The following KDM8 variants were observed in gnomAD, a reference collection of about 807,000 sequenced individuals.
The protein encoded by KDM8 is bifunctional peptidase and arginyl-hydroxylase JMJD5.
A neutral mutation model predicts 46.9 loss-of-function variants in KDM8; 35 were observed. The ratio of observed to expected loss-of-function variants is 0.75; its 90% confidence interval spans 0.57 to 0.99. The LOEUF is 0.99. KDM8 is among the 50% of genes least tolerant of loss of function. KDM8 has a pLI of 0.00. For missense variants in KDM8, 475 were observed against 537.0 expected (o/e 0.88, Z 1.14); for synonymous variants, 232 against 227.7 (o/e 1.02, Z -0.17).
At chr16:27,215,696 T>C (rs1227899933) in intron 4 of KDM8, among the ~76,000 whole-genome samples, 2 of 152,218 alleles carry the variant, frequency 1.3e-5, no homozygotes, top group Admixed American at 6.5e-5. Flanking sequence ...GCACTGTTTG[T>C]TGCCATTTTA....
At chr16:27,212,862 A>C (rs1055390741) in intron 2 of KDM8, among the ~76,000 whole-genome samples, 1 of 152,158 alleles carries the variant, frequency 6.6e-6, no homozygotes, top group African/African-American at 2.4e-5. Flanking sequence ...GAGCTTTTTA[A>C]ATTTTTTCTA....
At chr16:27,213,516 C>T (rs912126472) in intron 2 of KDM8, 69 bp from the exon 3 acceptor site, 1 of 1,543,324 alleles carries the variant, frequency 6.5e-7, no homozygotes, top group Non-Finnish European at 8.9e-7. Context: ...ACACAGGTTC[C>T]TGGTGGAATA....
intron 5 of KDM8, among the ~76,000 whole-genome samples, chr16:27,218,393 G>A (rs2083578391): frequency 6.6e-6 from 1 of 152,182 alleles, no homozygotes; most frequent in Admixed American, 6.5e-5. Flanking sequence ...CAGAGGCCAT[G>A]GGGAGCCGCG....
intron 2 of KDM8, 73 bp downstream of exon 2, chr16:27,210,694 C>G (rs2140966232): frequency 6.9e-7 from 1 of 1,442,018 alleles, no homozygotes; most frequent in South Asian, 1.5e-5. Context: ...TCCGAGTCAT[C>G]TCTCCCCTGG....
chr16:27,215,514 G>A (rs1567265309), intron 4 of KDM8, among the ~76,000 whole-genome samples: 1 of 152,168 alleles, frequency 6.6e-6, no homozygotes, highest in Non-Finnish European at 1.5e-5. Flanking sequence ...CCAGGAGGCA[G>A]AGGTTGCAGT....
In KDM8 at chr16:27,220,921, A is replaced by G; in HGVS notation, c.*191A>G. On this transcript the variant is annotated 3_prime_UTR_variant, in exon 8 of 8. Coordinates refer to ENST00000286096, the MANE Select transcript of KDM8 (RefSeq NM_024773.3). ...ACAGAGCAGGGGCTGCCCAGGAAGG[A>G]GCACACTCCAGGCCAGGGGTGCATG... The G allele has an allele frequency of 1.4e-6, 1 of 703,678 alleles. No homozygotes were observed. 43.6% of individuals were successfully genotyped at this position (703,678 alleles called of 1,614,324 possible).
intron 1 of KDM8, 170 bp downstream of exon 1, chr16:27,203,806 A>C (rs146455262): frequency 4.5e-4 from 172 of 385,626 alleles, no homozygotes; most frequent in Non-Finnish European, 5.7e-4. Flanking sequence ...GCGCTCTGAG[A>C]ATGCAATTTA....
intron 4 of KDM8, among the ~76,000 whole-genome samples, chr16:27,215,416 T>G (rs1043496151): frequency 1.3e-5 from 2 of 152,012 alleles, no homozygotes; most frequent in African/African-American, 4.8e-5. Flanking sequence ...CCTGTCTCTA[T>G]AAAAAATATA....
intron 1 of KDM8, 68 bp downstream of exon 1, chr16:27,203,704 G>C (rs530793740): frequency 9.7e-6 from 2 of 205,210 alleles, no homozygotes; most frequent in East Asian, 1.3e-4. Flanking sequence ...CGGGTTCAGA[G>C]GCATAGACCG....
intron 2 of KDM8, chr16:27,211,115 TTCTC>T (rs761343368): frequency 1.3e-5 from 6 of 451,986 alleles, no homozygotes; most frequent in Non-Finnish European, 2.6e-5. Context: ...TCCATTCATT[TTCTC>T]TCTTTTTTTT....
Position 27,216,002 on chromosome 16 carries a change from C to T in KDM8, c.843+13C>T, listed in dbSNP as rs766406876. The T allele has an allele frequency of 2.9e-5, 46 of 1,613,826 alleles. No homozygotes were observed. In the East Asian group the frequency reaches 9.6e-4, roughly 34 times the overall value. On this transcript the variant is annotated intron_variant, in intron 5 of 7. Transcript: ENST00000286096. Reference sequence around the variant, plus strand: ...GCTCTTTGACCAGGTAAGTCTGAGGCCACGCACCTCTGCCCCTCACCGTCT... The same window carrying T: ...GCTCTTTGACCAGGTAAGTCTGAGGTCACGCACCTCTGCCCCTCACCGTCT...
Position 27,220,982 on chromosome 16 carries a change from C to T in KDM8, c.*252C>T, listed in dbSNP as rs1386555018. The T allele has an allele frequency of 1.8e-6, 1 of 551,618 alleles. No individual in the cohort carries two copies. 34.2% of individuals were successfully genotyped at this position (551,618 alleles called of 1,614,324 possible). A position where few individuals can be genotyped will look rare whatever the true frequency, so the allele number is the denominator to read the frequency against. The stretch of plus-strand genomic sequence containing the variant: ...GTGGGGAGAGCCCAGAAGGACATTG[C>T]AGACAGACAGCCTGCATGGGGACTC... On this transcript the variant is annotated 3_prime_UTR_variant, in exon 8 of 8. Transcript: ENST00000286096.
chr16:27,212,822 G>A (rs2083500056), intron 2 of KDM8, among the ~76,000 whole-genome samples: 1 of 152,174 alleles, frequency 6.6e-6, no homozygotes, highest in Admixed American at 6.5e-5. Flanking sequence ...TTCCCGAGTG[G>A]CTGGGACTAC....
chr16:27,207,542 C>G (rs1416026979), intron 1 of KDM8, among the ~76,000 whole-genome samples: 2 of 152,198 alleles, frequency 1.3e-5, no homozygotes, highest in African/African-American at 4.8e-5. Context: ...GGCCAGAATG[C>G]CACTTCACCA....
intron 5 of KDM8, among the ~76,000 whole-genome samples, chr16:27,218,290 A>T (rs1321733030): frequency 2.6e-5 from 4 of 152,146 alleles, no homozygotes; most frequent in Admixed American, 2.6e-4. Flanking sequence ...TGAAAAAAAA[A>T]ATTACAATAA....
At chr16:27,204,052 G>C in intron 1 of KDM8, 2 of 1,530,158 alleles carry the variant, frequency 1.3e-6, no homozygotes, top group Admixed American at 2.0e-5. Context: ...CCCCTGGGCC[G>C]CAAGGCAGGC....
intron 2 of KDM8, 25 bp downstream of exon 2, chr16:27,210,646 G>C (rs773512885): frequency 5.4e-6 from 8 of 1,494,194 alleles, no homozygotes; most frequent in African/African-American, 4.2e-5. Flanking sequence ...TTCTCCCCAA[G>C]CACACTAGCC....
chr16:27,203,922 C>G (rs889931198), intron 1 of KDM8: 4 of 535,098 alleles, frequency 7.5e-6, no homozygotes, highest in Middle Eastern at 4.8e-4. Context: ...CAGGCCCTTA[C>G]GGCGGGCTGC....
intron 2 of KDM8, 83 bp from the exon 3 acceptor site, chr16:27,213,502 C>T: frequency 1.4e-6 from 2 of 1,456,234 alleles, no homozygotes; most frequent in Non-Finnish European, 1.9e-6. Context: ...CTCTCCTACC[C>T]CTGACACAGG....
Sources: allele counts gnomAD v4.1 joint callset (sites outside exome capture counted in the v4.1 genomes callset), GRCh38; gene constraint gnomAD v4.1.1; transcripts MANE v1.5; gene names NCBI Gene and HGNC (gene_info 2026-07-23, HGNC 2026-07-21).